The following SCUBE1 variants were observed in gnomAD, a reference collection of about 807,000 sequenced individuals.
SCUBE1 encodes signal peptide, CUB and EGF-like domain-containing protein 1.
Under a neutral mutation model 124.4 loss-of-function variants are expected in SCUBE1, and 59 were observed. The observed-to-expected ratio is 0.47, with a 90% CI of 0.38 to 0.59. The LOEUF is 0.59. SCUBE1 is among the 20% of genes least tolerant of loss of function. The probability of loss-of-function intolerance (pLI) is 0.00; values close to 1 mark genes in which losing one functional copy is unlikely to be tolerated. For missense variants in SCUBE1, 1,150 were observed against 1,371.2 expected (o/e 0.84, Z 2.55); for synonymous variants, 545 against 550.9 (o/e 0.99, Z 0.15).
At chr22:43,316,834 A>C (rs1283547875) in intron 3 of SCUBE1, 2 of 152,170 alleles carry the variant, frequency 1.3e-5, no homozygotes, top group East Asian at 3.9e-4. Flanking sequence ...TCGGACCTCT[A>C]CTTGGGTATT....
chr22:43,270,072 A>C (rs1924233761), intron 4 of SCUBE1: 1 of 152,030 alleles, frequency 6.6e-6, no homozygotes, highest in South Asian at 2.1e-4. Flanking sequence ...GAAATGCTCC[A>C]AAACCCAAAG....
chr22:43,303,176 T>C (rs1389235535), intron 3 of SCUBE1, among the ~76,000 whole-genome samples: 3 of 152,260 alleles, frequency 2.0e-5, no homozygotes, highest in African/African-American at 7.2e-5. Flanking sequence ...TCTTCCACCC[T>C]CCAAAGCTAT....
At chr22:43,286,960 G>A (rs1034100516) in intron 4 of SCUBE1, among the ~76,000 whole-genome samples, 2 of 152,232 alleles carry the variant, frequency 1.3e-5, no homozygotes, top group African/African-American at 4.8e-5. Context: ...TCCGTCAGAA[G>A]TTACAGACAA....
chr22:43,326,274 A>C (rs1926724748), intron 2 of SCUBE1, among the ~76,000 whole-genome samples: 1 of 152,198 alleles, frequency 6.6e-6, no homozygotes, highest in Non-Finnish European at 1.5e-5. Context: ...GCTGGGCGCT[A>C]GCACGTCCTC....
intron 2 of SCUBE1, among the ~76,000 whole-genome samples, chr22:43,333,308 G>A (rs76157904): frequency 0.012 from 1,876 of 152,336 alleles, 39 homozygotes; most frequent in African/African-American, 0.043. Flanking sequence ...TCTGGCTACA[G>A]CAAGCCCTCT....
chr22:43,287,139 T>C (rs1425284218), intron 4 of SCUBE1, among the ~76,000 whole-genome samples: 1 of 152,120 alleles, frequency 6.6e-6, no homozygotes, highest in Admixed American at 6.5e-5. Flanking sequence ...GGTGCTATCA[T>C]GGGGCCAGAA....
intron 19 of SCUBE1, 53 bp downstream of exon 19, chr22:43,209,982 AGCGAGACG>A (rs1921470215): frequency 1.1e-5 from 16 of 1,487,188 alleles, no homozygotes; most frequent in Middle Eastern, 2.1e-4. Context: ...GCAGAACCGC[AGCGAGACG>A]GGGGTGCACA....
intron 3 of SCUBE1, among the ~76,000 whole-genome samples, chr22:43,310,370 G>A (rs946967264): frequency 3.9e-5 from 6 of 152,192 alleles, no homozygotes; most frequent in Non-Finnish European, 7.3e-5. Flanking sequence ...CTGTCAAACT[G>A]CCAAGCATGG....
In SCUBE1 at chr22:43,262,768, C is replaced by T. The variant is rs200548764; in HGVS notation, c.562G>A (p.Asp188Asn). 2.6e-5 allele frequency: 42 copies of T among 1,614,094 alleles called. No individual in the cohort carries two copies. The highest frequency in any genetic ancestry group is 6.7e-5 in the African/African-American group (5 of 75,038). ...GCAAGGTCAAAGCCGGGCCTGCAGT[C>T]GCAGGCCACCCCACCTTTGGGCGTC... ...RETPKGGVAC[D>N]CRPGFDLAQN... The change falls in exon 5 of 22, where the codon GAC becomes AAC. Residue 188 changes from aspartate to asparagine, a missense_variant. By Grantham distance (23) the Asp-to-Asn change is conservative (BLOSUM62 1). This residue lies in a region of SCUBE1 where 337 missense variants were observed against 482.1 expected (regional missense o/e 0.70). Coordinates refer to ENST00000360835, the MANE Select transcript of SCUBE1 (RefSeq NM_173050.5).
chr22:43,220,669 A>T, intron 13 of SCUBE1, 82 bp from the exon 14 acceptor site: 1 of 1,526,810 alleles, frequency 6.5e-7, no homozygotes, highest in Non-Finnish European at 8.9e-7. Context: ...ACAGAGTGCC[A>T]TTGGCAAGGA....
At chr22:43,329,306 C>T (rs994430145) in intron 2 of SCUBE1, among the ~76,000 whole-genome samples, 3 of 152,266 alleles carry the variant, frequency 2.0e-5, no homozygotes, top group African/African-American at 7.2e-5. Flanking sequence ...GAAGCCCACC[C>T]CTCAAGCTGA....
Position 43,341,975 on chromosome 22 carries a change from G to C in SCUBE1, c.88+1199C>G, listed in dbSNP as rs12157803. ...TTGGGAGAGACACCCACAGACACAA[G>C]GGGGATGATGGGGCAGCAGGGCTGG... is the stretch of plus-strand genomic sequence containing the variant. On this transcript the variant is annotated intron_variant, in intron 1 of 21. Transcript: ENST00000360835. Among the ~76,000 whole-genome samples the C allele has an allele frequency of 7.0e-3, 1,063 of 152,144 alleles. 19 individuals carry two copies. The highest frequency in any genetic ancestry group is 0.025 in the African/African-American group (1,017 of 41,488).
In SCUBE1 at chr22:43,204,027, T is replaced by G; in HGVS notation, c.2937A>C (p.Lys979Asn). 6.2e-7 allele frequency: 1 copy of G among 1,614,164 alleles called. No homozygotes were observed. Among genetic ancestry groups the G allele is most frequent in the Non-Finnish European group, 8.5e-7 (1 of 1,180,024 alleles). Residue 979 changes from lysine to asparagine, a missense_variant, in exon 22 of 22, where the codon AAA becomes AAC. Physicochemically the swap from Lys to Asn is moderately conservative, Grantham distance 94. Transcript: ENST00000360835. ...TGTAGGGCCGCAGGAACCGAGACACTTTGGAGCGCAGCAGTTTGATGAAGG... is the reference window on the plus strand; with the variant it reads ...TGTAGGGCCGCAGGAACCGAGACACGTTGGAGCGCAGCAGTTTGATGAAGG... ...PRSFIKLLRS[K>N]VSRFLRPYK
chr22:43,209,205 CT>C (rs1327415099), intron 19 of SCUBE1, among the ~76,000 whole-genome samples: 2 of 152,170 alleles, frequency 1.3e-5, no homozygotes, highest in African/African-American at 4.8e-5. Context: ...CCTCAGGCCC[CT>C]CCCCACCCCC....
At chr22:43,315,698 T>C (rs1202600806) in intron 3 of SCUBE1, among the ~76,000 whole-genome samples, 1 of 137,216 alleles carries the variant, frequency 7.3e-6, no homozygotes, top group Non-Finnish European at 1.5e-5. Context: ...TTGGCTGCTG[T>C]GTGTGCAAGT....
rs1569495828 is a variant in SCUBE1 at position 43,211,135 on chromosome 22, GGCA to G, written c.2222-55_2222-53del. The stretch of plus-strand genomic sequence containing the variant: ...TGGGTGTGGAGGGGTGCAGGGAAAG[GGCA>G]GCACTGGGGTGCTGTCCCCAGGACC... On this transcript the variant is annotated intron_variant, in intron 17 of 21. Coordinates refer to ENST00000360835, the MANE Select transcript of SCUBE1 (RefSeq NM_173050.5). The surrounding 1 kb of genome is among the most constrained non-coding windows in gnomAD (Gnocchi z 4.5). 1 of 1,548,086 alleles carries G rather than the reference GGCA, an allele frequency of 6.5e-7. No homozygotes were observed. Among genetic ancestry groups the G allele is most frequent in the Admixed American group, 1.9e-5 (1 of 52,090 alleles).
At chr22:43,248,268 G>C (rs771303179) in intron 6 of SCUBE1, among the ~76,000 whole-genome samples, 1 of 152,178 alleles carries the variant, frequency 6.6e-6, no homozygotes, top group African/African-American at 2.4e-5. Context: ...TGGGGGGCGA[G>C]GGGTAGGGCC....
At chr22:43,206,133 C>T (rs1188056691) in intron 21 of SCUBE1, among the ~76,000 whole-genome samples, 1 of 139,412 alleles carries the variant, frequency 7.2e-6, no homozygotes, top group African/African-American at 2.7e-5. Context: ...CCACTACACA[C>T]ACCGCCTCCA....
chr22:43,292,609 A>C (rs934808325), intron 3 of SCUBE1, among the ~76,000 whole-genome samples: 1 of 138,938 alleles, frequency 7.2e-6, no homozygotes. Flanking sequence ...TTCGGTGTTG[A>C]GCTTTTGATA....
Sources: allele counts gnomAD v4.1 joint callset (sites outside exome capture counted in the v4.1 genomes callset), GRCh38; gene constraint gnomAD v4.1.1; regional missense constraint gnomAD v4.1.1; non-coding constraint Gnocchi (gnomAD v3.1); transcripts MANE v1.5; gene names NCBI Gene and HGNC (gene_info 2026-07-23, HGNC 2026-07-21).